The following DOK6 variants were observed in gnomAD, a reference collection of about 807,000 sequenced individuals.
DOK6 encodes the protein downstream of tyrosine kinase 6.
Under a neutral mutation model 44.0 loss-of-function variants are expected in DOK6, and 22 were observed. The ratio of observed to expected loss-of-function variants is 0.50; its 90% CI spans 0.36 to 0.71. The LOEUF is 0.71. Among genes scored for constraint, DOK6 ranks in the 30% least tolerant of loss-of-function variants. The pLI is 0.00. For missense variants in DOK6, 340 were observed against 416.4 expected (o/e 0.82, Z 1.60); for synonymous variants, 166 against 145.5 (o/e 1.14, Z -1.01).
intron 1 of DOK6, among the ~76,000 whole-genome samples, chr18:69,525,773 G>A (rs1981813356): frequency 6.6e-6 from 1 of 152,010 alleles, no homozygotes; most frequent in South Asian, 2.1e-4. Flanking sequence ...AAGTGAATGT[G>A]CTCCAATAAA....
chr18:69,592,072 G>T (rs1983634592), intron 2 of DOK6, among the ~76,000 whole-genome samples: 1 of 152,012 alleles, frequency 6.6e-6, no homozygotes, highest in African/African-American at 2.4e-5. Flanking sequence ...AATGCTGTTT[G>T]TGTTGGTATT....
intron 1 of DOK6, among the ~76,000 whole-genome samples, chr18:69,436,768 TC>T (rs1458826783): frequency 1.1e-4 from 17 of 152,210 alleles, no homozygotes; most frequent in African/African-American, 3.6e-4. Context: ...TAATTTACAC[TC>T]CCACCAACAG....
chr18:69,630,323 C>T (rs1289927742), intron 3 of DOK6, among the ~76,000 whole-genome samples: 1 of 152,062 alleles, frequency 6.6e-6, no homozygotes, highest in African/African-American at 2.4e-5. Context: ...TTCCATTGTT[C>T]CTTTTATTAT....
intron 5 of DOK6, chr18:69,705,109 T>G (rs1986605603): frequency 6.6e-6 from 1 of 152,230 alleles, no homozygotes; most frequent in Non-Finnish European, 1.5e-5. Flanking sequence ...GATTTTCCTT[T>G]ATCATTATCC....
intron 1 of DOK6, among the ~76,000 whole-genome samples, chr18:69,491,631 C>G (rs186354156): frequency 8.5e-5 from 13 of 152,224 alleles, no homozygotes; most frequent in African/African-American, 2.9e-4. Context: ...GTTAGCAGTG[C>G]GTTTCCTAAG....
intron 3 of DOK6, among the ~76,000 whole-genome samples, chr18:69,667,531 C>T (rs1408419037): frequency 1.3e-5 from 2 of 152,122 alleles, no homozygotes; most frequent in Non-Finnish European, 2.9e-5. Flanking sequence ...CAAAACTTTC[C>T]TTATTAAGGT....
chr18:69,723,483 G>A (rs531777632), intron 5 of DOK6, among the ~76,000 whole-genome samples: 113 of 152,268 alleles, frequency 7.4e-4, no homozygotes, highest in African/African-American at 2.6e-3. Context: ...TAGAACACAC[G>A]CTCGGGTGTG....
intron 1 of DOK6, among the ~76,000 whole-genome samples, chr18:69,445,550 G>A (rs1286562493): frequency 3.3e-5 from 5 of 151,956 alleles, no homozygotes; most frequent in African/African-American, 9.7e-5. Context: ...GGATTTAATC[G>A]AGGTCATCAT....
intron 5 of DOK6, among the ~76,000 whole-genome samples, chr18:69,726,502 C>T (rs1415779934): frequency 7.9e-5 from 12 of 151,998 alleles, no homozygotes; most frequent in Admixed American, 7.9e-4. Flanking sequence ...AGAAAGGAGC[C>T]CAGTGCCTAA....
intron 4 of DOK6, among the ~76,000 whole-genome samples, chr18:69,686,195 G>A (rs1187994596): frequency 1.3e-5 from 2 of 152,066 alleles, no homozygotes; most frequent in African/African-American, 4.8e-5. Flanking sequence ...AACCCTGCTG[G>A]CACGCTGATC....
chr18:69,767,187 G>A (rs1224640187), intron 7 of DOK6, among the ~76,000 whole-genome samples: 1 of 151,984 alleles, frequency 6.6e-6, no homozygotes, highest in Admixed American at 6.6e-5. Flanking sequence ...AGCCAAGATT[G>A]CACCACTGCA....
intron 1 of DOK6, among the ~76,000 whole-genome samples, chr18:69,477,052 A>G (rs1980286020): frequency 2.0e-5 from 3 of 152,208 alleles, no homozygotes; most frequent in Admixed American, 2.0e-4. Context: ...TTATTTATAA[A>G]ATATGCTACT....
intron 1 of DOK6, among the ~76,000 whole-genome samples, chr18:69,558,468 A>T (rs556502704): frequency 6.6e-6 from 1 of 152,026 alleles, no homozygotes; most frequent in Non-Finnish European, 1.5e-5. Flanking sequence ...CTCTGCATTT[A>T]TTAAATGATT....
intron 2 of DOK6, among the ~76,000 whole-genome samples, chr18:69,578,085 A>T (rs1983280497): frequency 6.6e-6 from 1 of 152,094 alleles, no homozygotes; most frequent in South Asian, 2.1e-4. Context: ...ATAAATAAAT[A>T]AATTATTTAA....
intron 5 of DOK6, among the ~76,000 whole-genome samples, chr18:69,728,430 T>TA (rs1381450156): frequency 8.5e-5 from 13 of 152,234 alleles, no homozygotes; most frequent in Admixed American, 2.0e-4. Flanking sequence ...CTTAATCATC[T>TA]AGATTTGGCT....
chr18:69,818,039 C>T (rs1028950449), intron 7 of DOK6, among the ~76,000 whole-genome samples: 1 of 152,168 alleles, frequency 6.6e-6, no homozygotes, highest in African/African-American at 2.4e-5. Flanking sequence ...AAAACATACA[C>T]CATACACCTC....
chr18:69,641,534 C>T (rs1403425366), intron 3 of DOK6, among the ~76,000 whole-genome samples: 2 of 152,160 alleles, frequency 1.3e-5, no homozygotes, highest in African/African-American at 2.4e-5. Context: ...GAAGCAGATG[C>T]TTAAACTGTG....
chr18:69,536,911 T>G (rs1485788521), intron 1 of DOK6, among the ~76,000 whole-genome samples: 1 of 151,620 alleles, frequency 6.6e-6, no homozygotes, highest in Non-Finnish European at 1.5e-5. Flanking sequence ...TTTTCTTGAA[T>G]TAAATTAATC....
At chr18:69,711,056 T>G (rs2144715051) in intron 5 of DOK6, among the ~76,000 whole-genome samples, 1 of 152,276 alleles carries the variant, frequency 6.6e-6, no homozygotes, top group Non-Finnish European at 1.5e-5. Flanking sequence ...TATTTTAGAG[T>G]TAATCAACCC....
Sources: gnomAD v4.1 joint callset for allele counts (sites outside exome capture counted in the v4.1 genomes callset) on GRCh38, gnomAD v4.1.1 for gene constraint, MANE v1.5 for transcripts, NCBI Gene and HGNC (gene_info 2026-07-23, HGNC 2026-07-21) for gene names.